COL5A2: variants seen among roughly 807,000 people sequenced by gnomAD.
COL5A2 encodes collagen alpha-2(V) chain.
A neutral mutation model predicts 208.2 loss-of-function variants in COL5A2; 23 were observed. The observed-to-expected ratio is 0.11, with a 90% CI of 0.08 to 0.16. COL5A2 has a LOEUF of 0.16. Among genes scored for constraint, COL5A2 ranks in the 10% least tolerant of loss-of-function variants. The probability of loss-of-function intolerance (pLI) is 1.00; values close to 1 mark genes in which losing one functional copy is unlikely to be tolerated. For missense variants in COL5A2, 1,590 were observed against 1,956.4 expected (o/e 0.81, Z 3.53); for synonymous variants, 625 against 628.5 (o/e 0.99, Z 0.08).
chr2:189,320,175 C>A, the COL5A2 span, among the ~76,000 whole-genome samples: 1 of 152,158 alleles, frequency 6.6e-6, no homozygotes, highest in East Asian at 1.9e-4. Context: ...ACGTCACCAT[C>A]ATCAAAGACC....
At chr2:189,054,320 C>T in intron 35 of COL5A2, 108 bp from the exon 36 acceptor site, 1 of 827,864 alleles carries the variant, frequency 1.2e-6, no homozygotes, top group Non-Finnish European at 2.0e-6. Context: ...TATAATTTGG[C>T]TGCCTTTGCA....
At chr2:189,059,585 G>GTTTGTTTTTTTTTTTTTTTTTTT (rs1685978787) in intron 31 of COL5A2, among the ~76,000 whole-genome samples, 1 of 28,594 alleles carries the variant, frequency 3.5e-5, no homozygotes, top group Non-Finnish European at 7.4e-5. Flanking sequence ...TTCTTTTCTG[G>GTTTGTTTTTTTTTTTTTTTTTTT]TTTTTTTTTT....
At chr2:189,394,444 A>AT in the COL5A2 span, among the ~76,000 whole-genome samples, 1 of 152,186 alleles carries the variant, frequency 6.6e-6, no homozygotes, top group East Asian at 1.9e-4. Flanking sequence ...GAGTTACCTT[A>AT]TAAAGGGATT....
chr2:189,372,691 T>A, the COL5A2 span, among the ~76,000 whole-genome samples: 1 of 152,136 alleles, frequency 6.6e-6, no homozygotes, highest in East Asian at 1.9e-4. Context: ...TGTTTAAGGA[T>A]TTTACAAACA....
intron 1 of COL5A2, among the ~76,000 whole-genome samples, chr2:189,173,158 G>A (rs764921415): frequency 6.6e-6 from 1 of 151,642 alleles, no homozygotes; most frequent in Non-Finnish European, 1.5e-5. Context: ...ATTTTTAGTA[G>A]AGACAGGGTT....
At chr2:189,332,765 T>C in the COL5A2 span, among the ~76,000 whole-genome samples, 1 of 152,200 alleles carries the variant, frequency 6.6e-6, no homozygotes, top group Non-Finnish European at 1.5e-5. Flanking sequence ...ATAAGAAATG[T>C]GAAAACAAAC....
chr2:189,249,261 G>T, the COL5A2 span, among the ~76,000 whole-genome samples: 1 of 152,114 alleles, frequency 6.6e-6, no homozygotes. Flanking sequence ...ATGTCATATT[G>T]AAATAAGGTA....
chr2:189,426,463 G>C, the COL5A2 span, among the ~76,000 whole-genome samples: 1 of 152,126 alleles, frequency 6.6e-6, no homozygotes, highest in Non-Finnish European at 1.5e-5. Context: ...TACCATCTTT[G>C]CTTCGAGTTT....
chr2:189,186,216 C>T (rs1432517269), intron 1 of COL5A2, among the ~76,000 whole-genome samples: 3 of 151,924 alleles, frequency 2.0e-5, no homozygotes, highest in Non-Finnish European at 2.9e-5. Context: ...AGGCTGGTTT[C>T]GAATTCCTGG....
the COL5A2 span, among the ~76,000 whole-genome samples, chr2:189,334,032 A>G: frequency 6.6e-6 from 1 of 150,604 alleles, no homozygotes; most frequent in African/African-American, 2.5e-5. Context: ...AGTAATCTCA[A>G]TAGATTTTTT....
the COL5A2 span, among the ~76,000 whole-genome samples, chr2:189,306,133 G>T: frequency 6.6e-6 from 1 of 152,144 alleles, no homozygotes; most frequent in African/African-American, 2.4e-5. Flanking sequence ...TACTAGTATT[G>T]TGCCATGCAC....
At chr2:189,121,903 CTG>C (rs1474591541) in intron 1 of COL5A2, among the ~76,000 whole-genome samples, 2 of 152,042 alleles carry the variant, frequency 1.3e-5, no homozygotes, top group African/African-American at 4.8e-5. Flanking sequence ...TTAGAAAACA[CTG>C]TGAAGTAAGA....
chr2:189,285,618 C>T, the COL5A2 span, among the ~76,000 whole-genome samples: 112 of 152,206 alleles, frequency 7.4e-4, no homozygotes, highest in African/African-American at 2.6e-3. Flanking sequence ...CAAGCAAGAT[C>T]CCAGGTCATC....
chr2:189,085,143 G>A lies in COL5A2; in HGVS notation c.798+17C>T. The A allele has an allele frequency of 6.2e-7, 1 of 1,608,578 alleles. No individual in the cohort carries two copies. On this transcript the variant is annotated intron_variant, in intron 11 of 53. Coordinates refer to ENST00000374866, the MANE Select transcript of COL5A2 (RefSeq NM_000393.5). Reference sequence around the variant, plus strand: ...CCTCTTCAAAACCTGAATGGAAAATGAGGAAAGGTAGCTTACATCTTCCCC... The same window carrying A: ...CCTCTTCAAAACCTGAATGGAAAATAAGGAAAGGTAGCTTACATCTTCCCC...
At chr2:189,340,523 C>T in the COL5A2 span, among the ~76,000 whole-genome samples, 4 of 152,206 alleles carry the variant, frequency 2.6e-5, no homozygotes, top group South Asian at 2.1e-4. Flanking sequence ...TCCCAAACCA[C>T]GTTGTGTCTT....
At chr2:189,165,627 G>A (rs770485063) in intron 1 of COL5A2, among the ~76,000 whole-genome samples, 6 of 152,198 alleles carry the variant, frequency 3.9e-5, no homozygotes, top group Non-Finnish European at 5.9e-5. Context: ...GACGAGGAGA[G>A]GAAACTGAAT....
the COL5A2 span, among the ~76,000 whole-genome samples, chr2:189,274,746 C>CA: frequency 2.5e-4 from 37 of 147,996 alleles, no homozygotes; most frequent in Middle Eastern, 7.0e-3. Context: ...ATGCCAAAGA[C>CA]AAAAAAAAAC....
At chr2:189,187,900 C>T (rs184541391) in intron 1 of COL5A2, among the ~76,000 whole-genome samples, 7 of 150,030 alleles carry the variant, frequency 4.7e-5, no homozygotes, top group Admixed American at 3.4e-4. Flanking sequence ...ACCCGGGAGG[C>T]GGAGCTTGCA....
At chr2:189,412,911 T>C in the COL5A2 span, among the ~76,000 whole-genome samples, 79 of 152,284 alleles carry the variant, frequency 5.2e-4, 1 homozygote, top group East Asian at 6.4e-3. Flanking sequence ...AACTTCCAAG[T>C]TCTCTGAGTG....
Sources: gnomAD v4.1 joint callset for allele counts (sites outside exome capture counted in the v4.1 genomes callset) on GRCh38, gnomAD v4.1.1 for gene constraint, MANE v1.5 for transcripts, NCBI Gene and HGNC (gene_info 2026-07-23, HGNC 2026-07-21) for gene names.